The following DOCK1 variants were observed in gnomAD, a reference collection of about 807,000 sequenced individuals.
The protein encoded by DOCK1 is dedicator of cytokinesis 1.
A neutral mutation model predicts 262.7 loss-of-function variants in DOCK1; 138 were observed. That is an observed-to-expected ratio of 0.53 (90% CI 0.46 to 0.61). DOCK1 has a LOEUF of 0.61. DOCK1 is among the 20% of genes least tolerant of loss of function. The pLI is 0.00. For synonymous variants in DOCK1, 866 were observed against 867.4 expected, an observed-to-expected ratio of 1.00 and a Z score of 0.03; for missense variants, 1,908 against 2,370.7, an observed-to-expected ratio of 0.80 and a Z score of 4.05.
intron 31 of DOCK1, among the ~76,000 whole-genome samples, chr10:127,346,407 C>T (rs2063635055): frequency 6.6e-6 from 1 of 152,172 alleles, no homozygotes; most frequent in Non-Finnish European, 1.5e-5. Context: ...CCAGCCTGGA[C>T]AACACAACAA....
chr10:127,306,074 G>A (rs140541086), intron 29 of DOCK1, among the ~76,000 whole-genome samples: 2,342 of 150,684 alleles, frequency 0.016, 72 homozygotes, highest in African/African-American at 0.055. Flanking sequence ...CAGTGCAGTG[G>A]TGCGATCTCA....
At chr10:127,107,904 T>G (rs533596502) in intron 24 of DOCK1, among the ~76,000 whole-genome samples, 1 of 152,200 alleles carries the variant, frequency 6.6e-6, no homozygotes, top group Non-Finnish European at 1.5e-5. Context: ...TCGTCGATAC[T>G]CTCAGTTTGC....
rs962926144 is a variant in DOCK1 at position 127,446,936 on chromosome 10, C to T, written c.5414-458C>T. Among the ~76,000 whole-genome samples, 1 of 152,092 alleles carries T rather than the reference C, an allele frequency of 6.6e-6. No individual in the cohort carries two copies. The highest frequency in any genetic ancestry group is 1.5e-5 in the Non-Finnish European group (1 of 68,004). ...GATGGGAAGCTGGGTGGCTGGTCGGCGTGTTAGACTTTGCTTAGTGAATCT... is the reference window on the plus strand; with the variant it reads ...GATGGGAAGCTGGGTGGCTGGTCGGTGTGTTAGACTTTGCTTAGTGAATCT... On this transcript the variant is annotated intron_variant, in intron 50 of 51. Transcript: ENST00000623213. This position sits in a 1 kb window ranked among gnomAD's most constrained non-coding sequence, Gnocchi z 4.4.
At chr10:126,910,170 C>T (rs975534033) in intron 1 of DOCK1, among the ~76,000 whole-genome samples, 1 of 152,236 alleles carries the variant, frequency 6.6e-6, no homozygotes, top group Non-Finnish European at 1.5e-5. Context: ...TTTTCATTCA[C>T]TGGAATTGCA....
At chr10:127,359,898 G>A (rs74158672) in intron 32 of DOCK1, among the ~76,000 whole-genome samples, 7,353 of 152,100 alleles carry the variant, frequency 0.048, 464 homozygotes, top group African/African-American at 0.14. Flanking sequence ...TGGTTAATTC[G>A]GGATACATTG....
chr10:126,953,908 G>C (rs1172579129), intron 1 of DOCK1, among the ~76,000 whole-genome samples: 2 of 152,160 alleles, frequency 1.3e-5, no homozygotes, highest in Admixed American at 1.3e-4. Context: ...AACAGAAAAT[G>C]TGGAGAGATG....
At chr10:127,167,225 C>T (rs1161112986) in intron 27 of DOCK1, among the ~76,000 whole-genome samples, 1 of 151,946 alleles carries the variant, frequency 6.6e-6, no homozygotes, top group Non-Finnish European at 1.5e-5. Flanking sequence ...AATGTGCTTC[C>T]CATTTCAAAA....
chr10:127,079,295 C>G (rs1591938166), intron 23 of DOCK1, among the ~76,000 whole-genome samples: 1 of 152,340 alleles, frequency 6.6e-6, no homozygotes, highest in African/African-American at 2.4e-5. Flanking sequence ...CTGAAACTTT[C>G]TATCCCACAG....
At chr10:127,065,931 G>A (rs2045842992) in intron 23 of DOCK1, among the ~76,000 whole-genome samples, 1 of 152,090 alleles carries the variant, frequency 6.6e-6, no homozygotes, top group African/African-American at 2.4e-5. Flanking sequence ...CTGAAGAGGA[G>A]AAGCCCACCT....
intron 27 of DOCK1, among the ~76,000 whole-genome samples, chr10:127,131,338 C>T (rs2050312645): frequency 6.6e-6 from 1 of 152,110 alleles, no homozygotes; most frequent in Non-Finnish European, 1.5e-5. Flanking sequence ...TAAACGGACT[C>T]CTCCCAATTC....
At chr10:126,949,521 G>A (rs1198025410) in intron 1 of DOCK1, among the ~76,000 whole-genome samples, 2 of 152,078 alleles carry the variant, frequency 1.3e-5, no homozygotes, top group Non-Finnish European at 2.9e-5. Context: ...TTTTCCCAGG[G>A]CATCAGTACA....
At position 127,415,042 on chromosome 10, in the gene DOCK1, C is replaced by A. The variant is rs2068076617; in HGVS notation, c.4429-110C>A. On this transcript the variant is annotated intron_variant, in intron 43 of 51. Coordinates refer to ENST00000623213, the MANE Select transcript of DOCK1 (RefSeq NM_001290223.2). ...GCTGAGCACCACAGACCCTGTCCTGCTGAAGGACCTGACTCCTTTGGAGTT... is the reference window on the plus strand; with the variant it reads ...GCTGAGCACCACAGACCCTGTCCTGATGAAGGACCTGACTCCTTTGGAGTT... 3 of 990,398 alleles carry A rather than the reference C, an allele frequency of 3.0e-6. No individual in the cohort carries two copies. In the East Asian group the frequency reaches 7.8e-5, roughly 26 times the overall value. 61.4% of individuals were successfully genotyped at this position (990,398 alleles called of 1,614,324 possible).
At chr10:127,033,221 C>T (rs545470553) in intron 18 of DOCK1, among the ~76,000 whole-genome samples, 3 of 151,090 alleles carry the variant, frequency 2.0e-5, no homozygotes, top group African/African-American at 4.8e-5. Flanking sequence ...ATGTTACTTT[C>T]TAGCCCTACT....
intron 27 of DOCK1, among the ~76,000 whole-genome samples, chr10:127,223,857 T>A (rs562605746): frequency 6.6e-6 from 1 of 152,268 alleles, no homozygotes; most frequent in African/African-American, 2.4e-5. Flanking sequence ...CCAGGAAATC[T>A]TAGGTGACAG....
At position 127,304,949 on chromosome 10, in the gene DOCK1, T is replaced by C. The variant is rs567825709; in HGVS notation, c.3045-34057T>C. Among the ~76,000 whole-genome samples, 5 of 152,190 alleles carry C rather than the reference T, an allele frequency of 3.3e-5. No individual in the cohort carries two copies. In the South Asian group the frequency reaches 1.0e-3, roughly 32 times the overall value. ...TACCTTAGGCTTTTTTTGTTTTTTG[T>C]TTGTTTGTTTTGCTTACCTTTTATG... On this transcript the variant is annotated intron_variant, in intron 29 of 51. Coordinates refer to ENST00000623213, the MANE Select transcript of DOCK1 (RefSeq NM_001290223.2).
At position 127,242,870 on chromosome 10, in the gene DOCK1, T is replaced by C. The variant is rs144668823; in HGVS notation, c.2848-5138T>C. Among the ~76,000 whole-genome samples, 98 of 152,324 alleles carry C rather than the reference T, an allele frequency of 6.4e-4. 1 individual carries two copies. Among genetic ancestry groups the C allele is most frequent in the African/African-American group, 1.7e-3 (72 of 41,580 alleles). On this transcript the variant is annotated intron_variant, in intron 27 of 51. Coordinates refer to ENST00000623213, the MANE Select transcript of DOCK1 (RefSeq NM_001290223.2). The stretch of plus-strand genomic sequence containing the variant: ...TGAAGCATAATCCCGGATTCAGTCT[T>C]CAGGGTTCTCCTTTTATTGAAACCG...
chr10:127,014,199 C>T (rs1201776591), intron 12 of DOCK1, among the ~76,000 whole-genome samples: 2 of 152,334 alleles, frequency 1.3e-5, no homozygotes, highest in Middle Eastern at 3.4e-3. Context: ...TTATTCTGAT[C>T]CCTGAACCCA....
At position 127,439,016 on chromosome 10, in the gene DOCK1, C is replaced by CT. The variant is rs767625959; in HGVS notation, c.5061-8dup. ...GCTCTCCTATTAAGACGTCATTGAC[C>CT]TTTCCTTTAGGTTTGCCCTGGAGCC... On this transcript the variant is annotated splice_polypyrimidine_tract_variant and intron_variant, in intron 48 of 51. Transcript: ENST00000623213. 255 of 1,546,796 alleles carry CT rather than the reference C, an allele frequency of 1.6e-4. No individual in the cohort carries two copies. The highest frequency in any genetic ancestry group is 1.3e-3 in the Middle Eastern group (8 of 5,946).
chr10:127,004,247 AAAAG>A (rs201422125), intron 10 of DOCK1, among the ~76,000 whole-genome samples: 43,935 of 146,598 alleles, frequency 0.3, 6,940 homozygotes, highest in Non-Finnish European at 0.34. Flanking sequence ...CTCAAAAAAA[AAAAG>A]AAAAGAAAAC....
Sources: gnomAD v4.1 joint callset for allele counts (sites outside exome capture counted in the v4.1 genomes callset) on GRCh38, gnomAD v4.1.1 for gene constraint, Gnocchi (gnomAD v3.1) non-coding constraint, MANE v1.5 for transcripts, NCBI Gene and HGNC (gene_info 2026-07-23, HGNC 2026-07-21) for gene names.